Variants in TET2 observed in about 807,000 individuals in gnomAD.
TET2 encodes the protein tet methylcytosine dioxygenase 2, also known as methylcytosine dioxygenase TET2.
Under a neutral mutation model 142.9 loss-of-function variants are expected in TET2, and 299 were observed. The ratio of observed to expected loss-of-function variants is 2.09; its 90% CI spans 1.90 to 2.30. The LOEUF is 2.30. Ranked by LOEUF, TET2 falls within the 30% of genes most tolerant of loss-of-function variation. The pLI, the probability that TET2 is intolerant of heterozygous loss-of-function variation, is 0.00. For missense variants in TET2, 2,418 were observed against 2,378.0 expected, an observed-to-expected ratio of 1.02 and a Z score of -0.35; for synonymous variants, 819 against 849.0, an observed-to-expected ratio of 0.96 and a Z score of 0.61.
chr4:105,148,769 T>A (rs577810220), intron 1 of TET2, among the ~76,000 whole-genome samples: 1 of 152,308 alleles, frequency 6.6e-6, no homozygotes, highest in Admixed American at 6.5e-5. Flanking sequence ...GAACGGTTAA[T>A]GAAGTGTTGG....
chr4:105,274,210 C>G (rs186839087), intron 10 of TET2, among the ~76,000 whole-genome samples: 251 of 152,282 alleles, frequency 1.6e-3, no homozygotes, highest in Middle Eastern at 3.4e-3. Context: ...GGTAATAATC[C>G]CTTCTGTTCT....
intron 6 of TET2, among the ~76,000 whole-genome samples, chr4:105,256,439 T>G (rs1037337265): frequency 6.6e-6 from 1 of 152,158 alleles, no homozygotes; most frequent in Non-Finnish European, 1.5e-5. Context: ...TACTGCCTTC[T>G]GGTCTTCATT....
chr4:105,273,886 C>T (rs140756345), intron 10 of TET2, among the ~76,000 whole-genome samples: 1 of 152,056 alleles, frequency 6.6e-6, no homozygotes, highest in East Asian at 1.9e-4. Flanking sequence ...TCCATAGCCT[C>T]CTGCTTTATG....
chr4:105,276,835 T>TGTTGGGGGGGGGGGGG lies in TET2; in HGVS notation c.*317_*318insTTGGGGGGGGGGGGGG. 1 of 228,252 alleles carries TGTTGGGGGGGGGGGGG rather than the reference T, an allele frequency of 4.4e-6. No individual in the cohort carries two copies. Among genetic ancestry groups the TGTTGGGGGGGGGGGGG allele is most frequent in the Non-Finnish European group, 8.0e-6 (1 of 125,256 alleles). 14.1% of individuals were successfully genotyped at this position (228,252 alleles called of 1,614,324 possible). A position where few individuals can be genotyped will look rare whatever the true frequency, so the allele number is the denominator to read the frequency against. On this transcript the variant is annotated 3_prime_UTR_variant, in exon 11 of 11. Coordinates refer to ENST00000380013, the MANE Select transcript of TET2 (RefSeq NM_001127208.3). ...TATTGGACGAGATGATATGTAAATGTGATCCCCCCCCCCCGCTTACAACTC... is the reference window on the plus strand; with the variant it reads ...TATTGGACGAGATGATATGTAAATGTGTTGGGGGGGGGGGGGGATCCCCCCCCCCCGCTTACAACTC...
In TET2 at chr4:105,234,298, A is replaced by G. The variant is rs146311392; in HGVS notation, c.356A>G (p.Asn119Ser). The change falls in exon 3 of 11, where the codon AAT becomes AGT. Residue 119 changes from asparagine (N) to serine (S), a missense_variant. Physicochemically the swap from Asn to Ser is conservative, Grantham distance 46. Coordinates refer to ENST00000380013, the MANE Select transcript of TET2 (RefSeq NM_001127208.3). ...IKKLKQDQKA[N>S]GERRNFGVSQ... ...AAATTGAAACAAGACCAAAAGGCTA[A>G]TGGAGAAAGACGTAACTTCGGGGTA... The G allele has an allele frequency of 6.2e-6, 10 of 1,614,136 alleles. No individual in the cohort carries two copies. The Admixed American group carries it at 6.7e-5, about 11-fold the overall frequency.
chr4:105,265,081 C>T (rs1730621666), intron 8 of TET2, among the ~76,000 whole-genome samples: 1 of 152,194 alleles, frequency 6.6e-6, no homozygotes, highest in South Asian at 2.1e-4. Context: ...TACAATTTAA[C>T]AGTAGACCTG....
At chr4:105,158,314 AG>A (rs1287691324) in intron 1 of TET2, among the ~76,000 whole-genome samples, 2 of 152,152 alleles carry the variant, frequency 1.3e-5, no homozygotes, top group Non-Finnish European at 2.9e-5. Context: ...AACTATATTT[AG>A]GGGTTAAAAA....
intron 8 of TET2, among the ~76,000 whole-genome samples, chr4:105,267,113 C>G (rs903348722): frequency 1.3e-5 from 2 of 151,864 alleles, no homozygotes; most frequent in African/African-American, 4.8e-5. Context: ...AAAAAAGACT[C>G]TCCACCCAGA....
chr4:105,245,454 C>T (rs1272851448), intron 6 of TET2, among the ~76,000 whole-genome samples: 1 of 152,058 alleles, frequency 6.6e-6, no homozygotes, highest in Admixed American at 6.5e-5. Context: ...CCTCAGCCTC[C>T]CGAATAGCTG....
At chr4:105,180,567 A>G (rs1405707358) in intron 1 of TET2, among the ~76,000 whole-genome samples, 1 of 152,152 alleles carries the variant, frequency 6.6e-6, no homozygotes, top group East Asian at 1.9e-4. Flanking sequence ...AAACCTTTCT[A>G]AAACGTAAAT....
rs1457913481 is a variant in TET2, at chr4:105,242,881, C to T, written c.3548C>T (p.Thr1183Ile). ...ATTAGGATTGAAAGAGTCATCTATA[C>T]TGGTAAAGAAGGCAAAAGTTCTCAG... ...KAIRIERVIYTGKEGKSSQGC... is the reference protein window; with the variant it reads ...KAIRIERVIYIGKEGKSSQGC... Residue 1183 changes from threonine to isoleucine, a missense_variant, in exon 5 of 11, where the codon ACT becomes ATT. By Grantham distance (89) the Thr-to-Ile change is moderately conservative. Coordinates refer to ENST00000380013, the MANE Select transcript of TET2 (RefSeq NM_001127208.3). 3 of 1,551,314 alleles carry T rather than the reference C, an allele frequency of 1.9e-6. No individual in the cohort carries two copies. The highest frequency in any genetic ancestry group is 1.4e-5 in the African/African-American group (1 of 73,008).
upstream of TET2, chr4:105,146,648 G>C (rs974260230): frequency 1.3e-5 from 2 of 152,876 alleles, no homozygotes; most frequent in Non-Finnish European, 2.9e-5. Flanking sequence ...GGCGGAGCAG[G>C]AGGAGGCCCG....
At chr4:105,196,004 C>T (rs538569780) in intron 2 of TET2, among the ~76,000 whole-genome samples, 98 of 152,258 alleles carry the variant, frequency 6.4e-4, no homozygotes, top group Admixed American at 6.4e-3. Flanking sequence ...CAGCTTGCTT[C>T]CTATTGCATT....
At chr4:105,166,509 T>C (rs1398448542) in intron 1 of TET2, among the ~76,000 whole-genome samples, 1 of 151,978 alleles carries the variant, frequency 6.6e-6, no homozygotes, top group African/African-American at 2.4e-5. Context: ...TAATTTAGAG[T>C]TTCTTCTCAT....
At chr4:105,200,060 G>T (rs532848326) in intron 2 of TET2, among the ~76,000 whole-genome samples, 1 of 152,200 alleles carries the variant, frequency 6.6e-6, no homozygotes, top group South Asian at 2.1e-4. Context: ...TATATACCCA[G>T]TAGTGGGGTT....
intron 2 of TET2, among the ~76,000 whole-genome samples, chr4:105,204,349 T>G (rs1726689519): frequency 6.6e-6 from 1 of 152,006 alleles, no homozygotes; most frequent in Admixed American, 6.6e-5. Flanking sequence ...GACAAGAATC[T>G]TGAATCCTTA....
intron 1 of TET2, among the ~76,000 whole-genome samples, chr4:105,149,989 T>C (rs1458318904): frequency 6.6e-6 from 1 of 152,236 alleles, no homozygotes; most frequent in Admixed American, 6.5e-5. Flanking sequence ...GTTTCACTTG[T>C]TGAAGTTAAA....
At position 105,243,613 on chromosome 4, in the gene TET2, T is replaced by G. The variant is rs2110254734; in HGVS notation, c.3638T>G (p.Val1213Gly). ...AGTGAAGAGAAGCTACTGTGTTTGG[T>G]GCGGGAGCGAGCTGGCCACACCTGT... Reference protein sequence around the residue: ...SSSEEKLLCLVRERAGHTCEA... With the variant: ...SSSEEKLLCLGRERAGHTCEA... Residue 1213 changes from valine (V) to glycine (G), a missense_variant, in exon 6 of 11, where the codon GTG becomes GGG. By Grantham distance (109) the Val-to-Gly change is moderately radical (BLOSUM62 -3). Coordinates refer to ENST00000380013, the MANE Select transcript of TET2 (RefSeq NM_001127208.3). 6.4e-7 allele frequency: 1 copy of G among 1,551,634 alleles called. No homozygotes were observed. Among genetic ancestry groups the G allele is most frequent in the Non-Finnish European group, 8.7e-7 (1 of 1,146,948 alleles).
chr4:105,237,166 A>G lies in TET2; in HGVS notation c.3224A>G (p.Asp1075Gly). 1.2e-6 allele frequency: 2 copies of G among 1,614,174 alleles called. No homozygotes were observed. Among genetic ancestry groups the G allele is most frequent in the Non-Finnish European group, 8.5e-7 (1 of 1,180,022 alleles). Residue 1075 changes from aspartate (D) to glycine (G), a missense_variant, in exon 3 of 11, where the codon GAT becomes GGT. Coordinates refer to ENST00000380013, the MANE Select transcript of TET2 (RefSeq NM_001127208.3). ...LTRQTTAAELDSHTPALEQQT... is the reference protein window; with the variant it reads ...LTRQTTAAELGSHTPALEQQT... ...AGACAAACCACTGCTGCAGAACTTG[A>G]TAGCCACACCCCAGCTTTAGAGCAG...
Sources: allele counts gnomAD v4.1 joint callset (sites outside exome capture counted in the v4.1 genomes callset), GRCh38; gene constraint gnomAD v4.1.1; transcripts MANE v1.5; gene names NCBI Gene and HGNC (gene_info 2026-07-23, HGNC 2026-07-21).